SGCZ: variants seen among roughly 807,000 people sequenced by gnomAD.
SGCZ encodes sarcoglycan zeta.
SGCZ carries 40 observed loss-of-function variants against 41.3 expected under a neutral mutation model. That is an observed-to-expected ratio of 0.97 (90% CI 0.75 to 1.26). The LOEUF (loss-of-function observed/expected upper bound fraction) is 1.26. Among genes scored for constraint, SGCZ ranks in the 50% most tolerant of loss-of-function variants. The pLI is 0.00. For synonymous variants in SGCZ, 206 were observed against 137.5 expected (o/e 1.50, Z -3.49); for missense variants, 552 against 369.8 (o/e 1.49, Z -4.04).
intron 2 of SGCZ, among the ~76,000 whole-genome samples, chr8:14,354,130 G>A (rs1288995408): frequency 2.0e-5 from 3 of 152,056 alleles, no homozygotes; most frequent in East Asian, 1.9e-4. Context: ...ATAAAAGTGC[G>A]TATCTCTGTA....
chr8:14,120,680 CA>C (rs1319881554), intron 5 of SGCZ, among the ~76,000 whole-genome samples: 1 of 151,798 alleles, frequency 6.6e-6, no homozygotes, highest in African/African-American at 2.4e-5. Flanking sequence ...AAATTAAATA[CA>C]ATTAGAAAAC....
intron 3 of SGCZ, among the ~76,000 whole-genome samples, chr8:14,268,479 G>T (rs987932366): frequency 6.6e-6 from 1 of 151,406 alleles, no homozygotes; most frequent in African/African-American, 2.4e-5. Flanking sequence ...TTGCATATTT[G>T]CTATAACACA....
chr8:14,127,014 C>G (rs1164374905), intron 5 of SGCZ, among the ~76,000 whole-genome samples: 2 of 152,072 alleles, frequency 1.3e-5, no homozygotes, highest in Non-Finnish European at 2.9e-5. Flanking sequence ...GGACAAATAC[C>G]TAATGCATGT....
chr8:14,162,889 G>A lies in SGCZ; in HGVS notation c.547+1691C>T, dbSNP rs138754566. ...CATCTTTTTATTTTATTTTACTTTC[G>A]AGAGAGGGTCTGGCTCTGTCACTTG... On this transcript the variant is annotated intron_variant, in intron 5 of 7. Transcript: ENST00000382080. Among the ~76,000 whole-genome samples the A allele has an allele frequency of 1.0e-3, 155 of 152,122 alleles. 1 individual carries two copies. The highest frequency in any genetic ancestry group is 3.6e-3 in the African/African-American group (149 of 41,492).
At chr8:14,992,901 A>G (rs1262575615) in intron 1 of SGCZ, among the ~76,000 whole-genome samples, 2 of 131,976 alleles carry the variant, frequency 1.5e-5, no homozygotes, top group Non-Finnish European at 3.2e-5. Flanking sequence ...TCCTCATCCA[A>G]TCTACTCCCA....
At chr8:14,737,499 T>C (rs1025674061) in intron 1 of SGCZ, among the ~76,000 whole-genome samples, 3 of 152,150 alleles carry the variant, frequency 2.0e-5, no homozygotes, top group African/African-American at 4.8e-5. Context: ...TCTCAAGCAC[T>C]GTATTACCTT....
intron 4 of SGCZ, among the ~76,000 whole-genome samples, chr8:14,192,424 G>C (rs1409908105): frequency 6.6e-6 from 1 of 151,638 alleles, no homozygotes; most frequent in Non-Finnish European, 1.5e-5. Flanking sequence ...TAGATCTCTA[G>C]TGTTTTCTCA....
intron 3 of SGCZ, among the ~76,000 whole-genome samples, chr8:14,255,093 C>T (rs1029781615): frequency 6.6e-6 from 1 of 152,122 alleles, no homozygotes; most frequent in African/African-American, 2.4e-5. Flanking sequence ...AATTCTCTCT[C>T]TCGTCTCCCT....
chr8:14,154,176 C>A (rs774705586), intron 5 of SGCZ, among the ~76,000 whole-genome samples: 22 of 152,052 alleles, frequency 1.4e-4, no homozygotes, highest in Non-Finnish European at 3.1e-4. Context: ...CGAGACCATC[C>A]TGGCTAACAC....
At chr8:14,578,248 T>C (rs956925054) in intron 1 of SGCZ, among the ~76,000 whole-genome samples, 1 of 152,204 alleles carries the variant, frequency 6.6e-6, no homozygotes, top group Non-Finnish European at 1.5e-5. Context: ...GTGTGACATT[T>C]CACCAGCCAC....
rs748248363 is a variant in SGCZ at position 14,090,651 on chromosome 8, G to T, written c.745-14C>A. On this transcript the variant is annotated splice_polypyrimidine_tract_variant and intron_variant, in intron 7 of 7. Coordinates refer to ENST00000382080, the MANE Select transcript of SGCZ (RefSeq NM_139167.4). Reference sequence around the variant, plus strand: ...ATTTAAAAATATCTATGGGAAAAAAGAAATTGCATTTTAATTCATTTTAGA... The same window carrying T: ...ATTTAAAAATATCTATGGGAAAAAATAAATTGCATTTTAATTCATTTTAGA... 1.2e-6 allele frequency: 2 copies of T among 1,604,466 alleles called. No homozygotes were observed. The highest frequency in any genetic ancestry group is 1.3e-5 in the African/African-American group (1 of 74,340).
intron 1 of SGCZ, among the ~76,000 whole-genome samples, chr8:14,581,673 T>A (rs1056797473): frequency 2.6e-5 from 4 of 152,028 alleles, no homozygotes; most frequent in African/African-American, 9.7e-5. Flanking sequence ...TTACTATTCT[T>A]CTCTAAGAAC....
chr8:14,612,296 C>G lies in SGCZ; in HGVS notation c.40-57370G>C, dbSNP rs575416643. Among the ~76,000 whole-genome samples, 132 of 152,208 alleles carry G rather than the reference C, an allele frequency of 8.7e-4. No homozygotes were observed. The South Asian group carries it at 8.7e-3, about 10-fold the overall frequency. ...CTGTTCTCATGATAGTGAGTGAGTT[C>G]TCATGAGATCTGATGCTTTACAAGT... On this transcript the variant is annotated intron_variant, in intron 1 of 7. Coordinates refer to ENST00000382080, the MANE Select transcript of SGCZ (RefSeq NM_139167.4).
intron 2 of SGCZ, among the ~76,000 whole-genome samples, chr8:14,381,781 G>T (rs1179026034): frequency 1.3e-5 from 2 of 150,728 alleles, no homozygotes; most frequent in Non-Finnish European, 2.9e-5. Context: ...GCAAGACCCT[G>T]TCTCAAAAAA....
At chr8:14,896,356 A>T (rs553313991) in intron 1 of SGCZ, among the ~76,000 whole-genome samples, 1 of 152,326 alleles carries the variant, frequency 6.6e-6, no homozygotes, top group African/African-American at 2.4e-5. Flanking sequence ...ATAATGCCTA[A>T]TGGCACTGAC....
At position 14,259,824 on chromosome 8, in the gene SGCZ, G is replaced by A. The variant is rs553293124; in HGVS notation, c.337-22145C>T. On this transcript the variant is annotated intron_variant, in intron 3 of 7. Coordinates refer to ENST00000382080, the MANE Select transcript of SGCZ (RefSeq NM_139167.4). Reference sequence around the variant, plus strand: ...TTTTTGGTTCCATATGAACTTTAAAGTAGTTTTTTCCAATTCTGTGAAGAA... The same window carrying A: ...TTTTTGGTTCCATATGAACTTTAAAATAGTTTTTTCCAATTCTGTGAAGAA... Among the ~76,000 whole-genome samples, 64 of 151,418 alleles carry A rather than the reference G, an allele frequency of 4.2e-4. 2 individuals are homozygous for A. Among genetic ancestry groups the A allele is most frequent in the African/African-American group, 1.3e-3 (53 of 41,380 alleles).
intron 1 of SGCZ, among the ~76,000 whole-genome samples, chr8:15,219,710 T>A (rs1801528091): frequency 6.6e-6 from 1 of 152,170 alleles, no homozygotes; most frequent in Non-Finnish European, 1.5e-5. Context: ...GAGGTTTAAC[T>A]GAGGAGAGAT....
rs1801753977 is a variant in SGCZ, at chr8:14,984,052, G to T, written c.39+253533C>A. On this transcript the variant is annotated intron_variant, in intron 1 of 7. Coordinates refer to ENST00000382080, the MANE Select transcript of SGCZ (RefSeq NM_139167.4). ...TTGGAATATTTAGCTGAATGGCAGTGATTCATCAAAATTAACTTGAAAGAC... is the reference window on the plus strand; with the variant it reads ...TTGGAATATTTAGCTGAATGGCAGTTATTCATCAAAATTAACTTGAAAGAC... 2.0e-5 allele frequency among the ~76,000 whole-genome samples: 3 copies of T among 152,072 alleles called. No homozygotes were observed. In the South Asian group the frequency reaches 6.2e-4, roughly 32 times the overall value.
chr8:14,445,330 T>C (rs977212019), intron 2 of SGCZ, among the ~76,000 whole-genome samples: 20 of 152,280 alleles, frequency 1.3e-4, no homozygotes, highest in African/African-American at 4.6e-4. Context: ...AATCGAATGT[T>C]GCCTTTTCCA....
Sources: allele counts gnomAD v4.1 joint callset (sites outside exome capture counted in the v4.1 genomes callset), GRCh38; gene constraint gnomAD v4.1.1; transcripts MANE v1.5; gene names NCBI Gene and HGNC (gene_info 2026-07-23, HGNC 2026-07-21).